Variants in MYPN observed in about 807,000 individuals in gnomAD.
The protein encoded by MYPN is myopalladin.
In MYPN, 63 loss-of-function variants were observed where a neutral mutation model predicts 129.4. The ratio of observed to expected loss-of-function variants is 0.49; its 90% confidence interval spans 0.40 to 0.60. The LOEUF is 0.60. Among genes scored for constraint, MYPN ranks in the 20% least tolerant of loss-of-function variants. The probability of loss-of-function intolerance (pLI) is 0.00; values close to 1 mark genes in which losing one functional copy is unlikely to be tolerated. For synonymous variants in MYPN, 629 were observed against 600.9 expected, an observed-to-expected ratio of 1.05 and a Z score of -0.68; for missense variants, 1,596 against 1,635.4, an observed-to-expected ratio of 0.98 and a Z score of 0.42.
rs1352754715 is a variant in MYPN at position 68,201,821 on chromosome 10, T to C, written c.3494-8T>C. On this transcript the variant is annotated splice_polypyrimidine_tract_variant and splice_region_variant and intron_variant, in intron 17 of 19. Transcript: ENST00000358913. ...AAAGAAAAAAAGAATGACCCTTCTC[T>C]TGCTCAGCCAAAGAGGTGAAGAAAG... 2 of 1,613,564 alleles carry C rather than the reference T, an allele frequency of 1.2e-6. No homozygotes were observed. Among genetic ancestry groups the C allele is most frequent in the African/African-American group, 2.7e-5 (2 of 74,838 alleles).
chr10:68,117,976 C>T (rs2042182816), intron 1 of MYPN, among the ~76,000 whole-genome samples: 1 of 151,922 alleles, frequency 6.6e-6, no homozygotes, highest in South Asian at 2.1e-4. Flanking sequence ...TAGGAAGTGT[C>T]AGAACTAGGA....
At position 68,199,384 on chromosome 10, in the gene MYPN, C is replaced by A; in HGVS notation, c.3302C>A (p.Pro1101His). The change falls in exon 17 of 20, where the codon CCC (proline) becomes CAC (histidine). Residue 1101 changes from proline to histidine, a missense_variant. Coordinates refer to ENST00000358913, the MANE Select transcript of MYPN (RefSeq NM_032578.4). ...GTTTATTAGGTGAGTGGTTTACCGC[C>A]CCCGGAGCTGACATGGCTACTCAAT... Reference protein sequence around the residue: ...RLDCKVSGLPPPELTWLLNGQ... With the variant: ...RLDCKVSGLPHPELTWLLNGQ... 2 of 1,614,024 alleles carry A rather than the reference C, an allele frequency of 1.2e-6. No individual in the cohort carries two copies. Among genetic ancestry groups the A allele is most frequent in the South Asian group, 2.2e-5 (2 of 91,072 alleles).
rs768274852 is a variant in MYPN at position 68,201,823 on chromosome 10, G to A, written c.3494-6G>A. ...AGAAAAAAAGAATGACCCTTCTCTT[G>A]CTCAGCCAAAGAGGTGAAGAAAGCA... On this transcript the variant is annotated splice_polypyrimidine_tract_variant and splice_region_variant and intron_variant, in intron 17 of 19. Transcript: ENST00000358913. 3.1e-6 allele frequency: 5 copies of A among 1,613,630 alleles called. No individual in the cohort carries two copies. Among genetic ancestry groups the A allele is most frequent in the Non-Finnish European group, 4.2e-6 (5 of 1,179,804 alleles).
At chr10:68,175,286 T>C in intron 11 of MYPN, 37 bp from the exon 12 acceptor site, 3 of 1,613,528 alleles carry the variant, frequency 1.9e-6, no homozygotes, top group Non-Finnish European at 1.7e-6. Flanking sequence ...TGGCCAGTGC[T>C]TTTCATGGGT....
intron 1 of MYPN, among the ~76,000 whole-genome samples, chr10:68,096,691 G>A (rs1207614934): frequency 6.6e-6 from 1 of 152,170 alleles, no homozygotes; most frequent in African/African-American, 2.4e-5. Flanking sequence ...TTATTTAGAA[G>A]AACTGAATCT....
At chr10:68,120,708 A>C (rs2042228560) in intron 1 of MYPN, among the ~76,000 whole-genome samples, 1 of 152,214 alleles carries the variant, frequency 6.6e-6, no homozygotes. Flanking sequence ...CAATTTCTAT[A>C]ATTCTATTAC....
chr10:68,196,083 G>A (rs2043599722), intron 15 of MYPN, among the ~76,000 whole-genome samples: 1 of 152,172 alleles, frequency 6.6e-6, no homozygotes, highest in Non-Finnish European at 1.5e-5. Flanking sequence ...AGGATTACAG[G>A]CATGAGCCAT....
chr10:68,179,520 T>G (rs1020466656), intron 12 of MYPN, among the ~76,000 whole-genome samples: 1 of 152,204 alleles, frequency 6.6e-6, no homozygotes, highest in Admixed American at 6.6e-5. Flanking sequence ...AATAAAACTG[T>G]TAACCAAGTA....
intron 10 of MYPN, among the ~76,000 whole-genome samples, chr10:68,170,215 T>C (rs2043124219): frequency 6.6e-6 from 1 of 152,196 alleles, no homozygotes; most frequent in Non-Finnish European, 1.5e-5. Context: ...AAAATCGGGT[T>C]CTTTTACAAG....
Position 68,190,686 on chromosome 10 carries a change from T to A in MYPN, c.2925+1560T>A, listed in dbSNP as rs543529230. Among the ~76,000 whole-genome samples, 5 of 152,354 alleles carry A rather than the reference T, an allele frequency of 3.3e-5. No individual in the cohort carries two copies. The East Asian group carries it at 7.7e-4, about 23-fold the overall frequency. On this transcript the variant is annotated intron_variant, in intron 13 of 19. Coordinates refer to ENST00000358913, the MANE Select transcript of MYPN (RefSeq NM_032578.4). The stretch of plus-strand genomic sequence containing the variant: ...CTTTGCTGAGCAGAAGCTTTTTACT[T>A]GCTGTAATCCAATTTGTCTATTTTT...
intron 2 of MYPN, among the ~76,000 whole-genome samples, chr10:68,132,556 G>A (rs550360439): frequency 6.6e-6 from 1 of 152,266 alleles, no homozygotes; most frequent in East Asian, 1.9e-4. Flanking sequence ...TTTCTGATTG[G>A]TAGTGGCATC....
At chr10:68,136,624 C>G in intron 2 of MYPN, 1 of 1,527,916 alleles carries the variant, frequency 6.5e-7, no homozygotes, top group Admixed American at 2.0e-5. Context: ...TCCTGGCCAT[C>G]TGAGTAAGGA....
upstream of MYPN, among the ~76,000 whole-genome samples, chr10:68,104,395 T>C (rs1467139536): frequency 2.0e-5 from 3 of 152,182 alleles, no homozygotes; most frequent in Admixed American, 6.5e-5. Context: ...TATTGACCCA[T>C]GTTGCTGTGC....
At chr10:68,196,483 C>CTTTTTTTTTTTTTTTTTTTTT (rs71009021) in intron 15 of MYPN, among the ~76,000 whole-genome samples, 1 of 112,518 alleles carries the variant, frequency 8.9e-6, no homozygotes, top group Non-Finnish European at 1.8e-5. Flanking sequence ...CCTTCTTCTT[C>CTTTTTTTTTTTTTTTTTTTTT]TTTTTTTTTT....
chr10:68,176,646 T>G (rs2043231992), intron 12 of MYPN, among the ~76,000 whole-genome samples: 1 of 152,214 alleles, frequency 6.6e-6, no homozygotes, highest in South Asian at 2.1e-4. Context: ...CACTTAAAAT[T>G]ATTAAGGAGA....
intron 12 of MYPN, 137 bp downstream of exon 12, chr10:68,175,598 A>G: frequency 1.1e-6 from 1 of 950,856 alleles, no homozygotes; most frequent in East Asian, 2.6e-5. Context: ...CAGACTAACC[A>G]AAGGTCATGT....
chr10:68,134,234 A>C (rs922899621), intron 2 of MYPN, among the ~76,000 whole-genome samples: 2 of 152,176 alleles, frequency 1.3e-5, no homozygotes, highest in African/African-American at 4.8e-5. Context: ...AATACTTGGG[A>C]TTCATCAGTA....
chr10:68,169,149 T>A (rs1435500386), intron 10 of MYPN, among the ~76,000 whole-genome samples: 1 of 133,378 alleles, frequency 7.5e-6, no homozygotes, highest in Non-Finnish European at 1.5e-5. Context: ...ATCGAGACCA[T>A]CCTGGTTAAC....
At chr10:68,161,847 A>C in intron 8 of MYPN, 95 bp downstream of exon 8, 4 of 1,042,380 alleles carry the variant, frequency 3.8e-6, no homozygotes, top group Non-Finnish European at 5.7e-6. Context: ...ATAAAAAGTG[A>C]AAAATAAAGT....
Sources: gnomAD v4.1 joint callset for allele counts (sites outside exome capture counted in the v4.1 genomes callset) on GRCh38, gnomAD v4.1.1 for gene constraint, MANE v1.5 for transcripts, NCBI Gene and HGNC (gene_info 2026-07-23, HGNC 2026-07-21) for gene names.